ZNF718: variants seen among roughly 807,000 people sequenced by gnomAD.
ZNF718 encodes zinc finger protein 718.
Under a neutral mutation model 2.6 loss-of-function variants are expected in ZNF718, and 3 were observed. The observed-to-expected ratio is 1.16, with a 90% CI of 0.53 to 3.01. The LOEUF is 3.01. Among genes scored for constraint, ZNF718 ranks in the 30% most tolerant of loss-of-function variants. The pLI, the probability that ZNF718 is intolerant of heterozygous loss-of-function variation, is 0.03. For missense variants in ZNF718, 468 were observed against 230.0 expected, an observed-to-expected ratio of 2.03 and a Z score of -6.69; for synonymous variants, 135 against 77.9, an observed-to-expected ratio of 1.73 and a Z score of -3.86.
Position 152,936 on chromosome 4 carries a change from ACG to A in ZNF718, c.227-7975_227-7974del, listed in dbSNP as rs1457342713. 1.3e-4 allele frequency among the ~76,000 whole-genome samples: 16 copies of A among 125,846 alleles called. No individual in the cohort carries two copies. The East Asian group carries it at 4.0e-3, about 31-fold the overall frequency. 82.6% of individuals were successfully genotyped at this position (125,846 alleles called of 152,430 possible). On this transcript the variant is annotated intron_variant, in intron 3 of 3. Coordinates refer to ENST00000510175, the MANE Select transcript of ZNF718 (RefSeq NM_001039127.6). Reference sequence around the variant, plus strand: ...AAAACATTTTTAGTTTTTTGTAGTCACGTTTGCAGATTTTTACATGTACTTTG... The same window carrying A: ...AAAACATTTTTAGTTTTTTGTAGTCATTTGCAGATTTTTACATGTACTTTG...
chr4:155,727 G>C (rs1716538982), intron 3 of ZNF718, among the ~76,000 whole-genome samples: 1 of 152,174 alleles, frequency 6.6e-6, no homozygotes, highest in African/African-American at 2.4e-5. Context: ...GGACTTGTGA[G>C]TTCAACCTGA....
At chr4:174,758 C>G (rs1717315108) in intron 3 of ZNF718, among the ~76,000 whole-genome samples, 1 of 152,124 alleles carries the variant, frequency 6.6e-6, no homozygotes, top group Non-Finnish European at 1.5e-5. Context: ...ATTTCCAAGG[C>G]CCTTCTCAAA....
chr4:136,536 G>C (rs991723477), intron 3 of ZNF718: 4 of 510,120 alleles, frequency 7.8e-6, no homozygotes, highest in African/African-American at 7.7e-5. Flanking sequence ...ATGGGCTCTT[G>C]AGTTGGCCAC....
downstream of ZNF718, among the ~76,000 whole-genome samples, chr4:164,332 A>G (rs1717035949): frequency 6.6e-6 from 1 of 152,070 alleles, no homozygotes; most frequent in Non-Finnish European, 1.5e-5. Flanking sequence ...TCCAAAGAAA[A>G]TAGCAACATT....
In ZNF718 at chr4:161,585, A is replaced by G. The variant is rs1716858835; in HGVS notation, c.900A>G (p.Glu300=). ...KAFKWSSSLN[E]HKRIHAGEKP... is the part of the protein sequence containing the mutation. ...TTAAGTGGTCCTCATCCCTTAATGA[A>G]CATAAGAGAATTCATGCTGGAGAGA... Residue 300 remains glutamate, a synonymous_variant, in exon 4 of 4, where the codon GAA becomes GAG. Transcript: ENST00000510175. 1.3e-6 allele frequency: 1 copy of G among 780,818 alleles called. No individual in the cohort carries two copies. The highest frequency in any genetic ancestry group is 1.7e-5 in the African/African-American group (1 of 59,148). The allele number at this position is 780,818 out of a possible 1,614,324, so 48.4% of individuals were successfully genotyped here.
chr4:133,849 A>G (rs1257240361), intron 3 of ZNF718, among the ~76,000 whole-genome samples: 7 of 152,244 alleles, frequency 4.6e-5, no homozygotes, highest in Admixed American at 3.3e-4. Context: ...ATGTATATAC[A>G]TTGTAAAATA....
At chr4:198,120 A>G (rs1717828370) in intron 3 of ZNF718, among the ~76,000 whole-genome samples, 1 of 152,146 alleles carries the variant, frequency 6.6e-6, no homozygotes, top group Non-Finnish European at 1.5e-5. Flanking sequence ...GCACCATGAC[A>G]TAGCTGCAGA....
intron 3 of ZNF718, among the ~76,000 whole-genome samples, chr4:169,868 G>A (rs200707744): frequency 1.3e-5 from 2 of 151,944 alleles, no homozygotes; most frequent in East Asian, 3.9e-4. Flanking sequence ...ATATTGTTAT[G>A]TGTGAATTTG....
At position 149,658 on chromosome 4, in the gene ZNF718, G is replaced by A. The variant is rs1031822486; in HGVS notation, c.227-11254G>A. 13 of 151,952 alleles carry A rather than the reference G, an allele frequency of 8.6e-5. No homozygotes were observed. The East Asian group carries it at 2.1e-3, about 25-fold the overall frequency. 9.4% of individuals were successfully genotyped at this position (151,952 alleles called of 1,614,324 possible). A position where few individuals can be genotyped will look rare whatever the true frequency, so the allele number is the denominator to read the frequency against. On this transcript the variant is annotated intron_variant, in intron 3 of 3. Coordinates refer to ENST00000510175, the MANE Select transcript of ZNF718 (RefSeq NM_001039127.6). ...TTTTTATTGCCTATAAAAGTTAGGT[G>A]GTATTTGCCTGTATAAATAGTGCCC... is the stretch of plus-strand genomic sequence containing the variant.
At chr4:196,702 C>A (rs1717799152) in intron 3 of ZNF718, among the ~76,000 whole-genome samples, 1 of 152,014 alleles carries the variant, frequency 6.6e-6, no homozygotes, top group African/African-American at 2.4e-5. Context: ...TCAGCTTCCC[C>A]AGGAAAATTG....
chr4:187,418 G>A (rs1364325174), intron 3 of ZNF718, among the ~76,000 whole-genome samples: 2 of 151,960 alleles, frequency 1.3e-5, no homozygotes, highest in African/African-American at 4.8e-5. Flanking sequence ...GTAGAGACAG[G>A]GTTTCACCAT....
intron 3 of ZNF718, among the ~76,000 whole-genome samples, chr4:134,126 T>C (rs1560108637): frequency 1.3e-5 from 2 of 152,092 alleles, no homozygotes; most frequent in Non-Finnish European, 2.9e-5. Flanking sequence ...CATCAATCAA[T>C]GTTAAAGTTT....
chr4:146,421 T>G (rs1716067749), intron 3 of ZNF718, among the ~76,000 whole-genome samples: 1 of 152,142 alleles, frequency 6.6e-6, no homozygotes, highest in Non-Finnish European at 1.5e-5. Context: ...AGATGTTCCC[T>G]TATATGAGAA....
intron 3 of ZNF718, among the ~76,000 whole-genome samples, chr4:160,448 T>G (rs1228796851): frequency 6.6e-6 from 1 of 152,252 alleles, no homozygotes; most frequent in African/African-American, 2.4e-5. Flanking sequence ...AAAGAAATTA[T>G]GGCCTGTGGT....
At chr4:153,159 C>T (rs929171037) in intron 3 of ZNF718, among the ~76,000 whole-genome samples, 1 of 142,372 alleles carries the variant, frequency 7.0e-6, no homozygotes, top group Non-Finnish European at 1.5e-5. Flanking sequence ...GTTTTCCTTG[C>T]ACTATTTATT....
intron 3 of ZNF718, among the ~76,000 whole-genome samples, chr4:196,925 C>T (rs1717803331): frequency 6.6e-6 from 1 of 151,380 alleles, no homozygotes; most frequent in African/African-American, 2.4e-5. Context: ...TGATATTACT[C>T]ACTGCTTTGG....
intron 3 of ZNF718, among the ~76,000 whole-genome samples, chr4:172,201 A>C (rs1717253128): frequency 6.6e-6 from 1 of 152,204 alleles, no homozygotes; most frequent in African/African-American, 2.4e-5. Context: ...TTTTCTGAAT[A>C]AACAAGCATC....
chr4:192,926 G>C (rs1717720800), intron 3 of ZNF718, among the ~76,000 whole-genome samples: 1 of 152,076 alleles, frequency 6.6e-6, no homozygotes, highest in Non-Finnish European at 1.5e-5. Context: ...TAAAAGGCCT[G>C]GTCCAGTAAA....
At chr4:186,939 A>G (rs556396232) in intron 3 of ZNF718, among the ~76,000 whole-genome samples, 73 of 152,096 alleles carry the variant, frequency 4.8e-4, no homozygotes, top group African/African-American at 1.6e-3. Context: ...CCAGTTCTGA[A>G]CTCTTGTTGG....
Sources: allele counts gnomAD v4.1 joint callset (sites outside exome capture counted in the v4.1 genomes callset), GRCh38; gene constraint gnomAD v4.1.1; transcripts MANE v1.5; gene names NCBI Gene and HGNC (gene_info 2026-07-23, HGNC 2026-07-21).